ARMC9: variants seen among roughly 807,000 people sequenced by gnomAD.
ARMC9 encodes armadillo repeat containing 9, also known as lisH domain-containing protein ARMC9.
In ARMC9, 94 loss-of-function variants were observed where a neutral mutation model predicts 107.0. The observed-to-expected ratio is 0.88, with a 90% CI of 0.74 to 1.04. The LOEUF is 1.04. Among genes scored for constraint, ARMC9 ranks in the 50% least tolerant of loss-of-function variants. ARMC9 has a pLI of 0.00. For synonymous variants in ARMC9, 380 were observed against 396.9 expected, an observed-to-expected ratio of 0.96 and a Z score of 0.51; for missense variants, 942 against 1,030.1, an observed-to-expected ratio of 0.91 and a Z score of 1.17.
intron 23 of ARMC9, among the ~76,000 whole-genome samples, chr2:231,365,026 C>T (rs956110203): frequency 1.3e-5 from 2 of 152,182 alleles, no homozygotes; most frequent in Admixed American, 6.5e-5. Flanking sequence ...TCAGCTGAGC[C>T]CCTGGTGGCC....
chr2:231,307,320 A>G (rs903132824), intron 19 of ARMC9, among the ~76,000 whole-genome samples: 1 of 152,188 alleles, frequency 6.6e-6, no homozygotes, highest in African/African-American at 2.4e-5. Flanking sequence ...GGCTTTCCCT[A>G]CTTGTCTGGC....
At chr2:231,243,078 C>T (rs1338552912) in intron 9 of ARMC9, among the ~76,000 whole-genome samples, 1 of 152,096 alleles carries the variant, frequency 6.6e-6, no homozygotes, top group Non-Finnish European at 1.5e-5. Flanking sequence ...AACCCTGTCT[C>T]TACTAAAAAT....
chr2:231,253,377 A>C (rs1236107252), intron 9 of ARMC9, among the ~76,000 whole-genome samples: 1 of 152,026 alleles, frequency 6.6e-6, no homozygotes, highest in East Asian at 1.9e-4. Flanking sequence ...GGCCTCCCAA[A>C]GTGCTGGGTT....
intron 17 of ARMC9, among the ~76,000 whole-genome samples, chr2:231,282,447 A>G (rs1324811500): frequency 6.6e-6 from 1 of 152,212 alleles, no homozygotes; most frequent in African/African-American, 2.4e-5. Context: ...ACTGTCTAGG[A>G]CTTGGTTTGG....
Position 231,331,864 on chromosome 2 carries a change from A to G in ARMC9, c.1845A>G (p.Ser615=). The change falls in exon 20 of 25, where the codon TCA becomes TCG. Residue 615 remains serine (S), a synonymous_variant. Coordinates refer to ENST00000611582, the MANE Select transcript of ARMC9 (RefSeq NM_001352754.2). ...ELIQPQLGEL[S]GEKLLTTEYL... ...TCCAGCCCCAGCTCGGAGAACTCTC[A>G]GGAGAGAAGCTTCTGACCACGGAGT... 1.2e-6 allele frequency: 2 copies of G among 1,612,888 alleles called. No individual in the cohort carries two copies. The highest frequency in any genetic ancestry group is 1.7e-6 in the Non-Finnish European group (2 of 1,178,944).
intron 6 of ARMC9, 84 bp downstream of exon 6, chr2:231,222,904 G>A: frequency 1.2e-6 from 1 of 852,856 alleles, no homozygotes; most frequent in Admixed American, 2.7e-5. Flanking sequence ...GGTTTATTGA[G>A]GTTGCCTCAT....
intron 19 of ARMC9, among the ~76,000 whole-genome samples, chr2:231,322,074 T>C (rs2125536562): frequency 6.6e-6 from 1 of 152,388 alleles, no homozygotes; most frequent in Non-Finnish European, 1.5e-5. Context: ...CCTTATTTAA[T>C]GAACTGGTCT....
At chr2:231,312,361 C>G (rs553764166) in intron 19 of ARMC9, among the ~76,000 whole-genome samples, 1 of 152,214 alleles carries the variant, frequency 6.6e-6, no homozygotes, top group Admixed American at 6.5e-5. Context: ...TTCTCAGGGC[C>G]TCATTTCTGC....
chr2:231,372,727 T>C lies in ARMC9; in HGVS notation c.*1192T>C, dbSNP rs1380334639. 1 of 119,524 alleles carries C rather than the reference T, an allele frequency of 8.4e-6. No homozygotes were observed. Among genetic ancestry groups the C allele is most frequent in the African/African-American group, 5.2e-5 (1 of 19,194 alleles). The allele number at this position is 119,524 out of a possible 1,614,324, so 7.4% of individuals were successfully genotyped here. A position where few individuals can be genotyped will look rare whatever the true frequency, so the allele number is the denominator to read the frequency against. ...GTGTGTGTGTGTGTGTGTGTGTGTG[T>C]GTGTGTGTGTGTGTGTGTGTGTGTG... On this transcript the variant is annotated 3_prime_UTR_variant, in exon 25 of 25. Coordinates refer to ENST00000611582, the MANE Select transcript of ARMC9 (RefSeq NM_001352754.2).
chr2:231,288,909 C>G (rs1224532577), intron 17 of ARMC9, among the ~76,000 whole-genome samples: 4 of 152,164 alleles, frequency 2.6e-5, no homozygotes, highest in Non-Finnish European at 5.9e-5. Flanking sequence ...CTATGATTAT[C>G]TTTATGGTAG....
At chr2:231,242,442 CA>C (rs1016185559) in intron 9 of ARMC9, among the ~76,000 whole-genome samples, 1 of 152,134 alleles carries the variant, frequency 6.6e-6, no homozygotes, top group African/African-American at 2.4e-5. Flanking sequence ...GAGAATCAGC[CA>C]TTTTTAAAAG....
intron 9 of ARMC9, among the ~76,000 whole-genome samples, chr2:231,253,449 C>T (rs1387196394): frequency 2.6e-5 from 4 of 151,798 alleles, no homozygotes; most frequent in African/African-American, 4.8e-5. Context: ...TTTGGCTGGG[C>T]GCGGTTTGGC....
rs2040396287 is a variant in ARMC9 at position 231,283,858 on chromosome 2, C to T, written c.1626+1725C>T. Among the ~76,000 whole-genome samples the T allele has an allele frequency of 2.6e-5, 4 of 152,116 alleles. No homozygotes were observed. The South Asian group carries it at 8.3e-4, about 32-fold the overall frequency. ...AGCCATCCTCCTGCCTCAGCTTATCCAGTAGCTGGGACTATAGGTGTGCGC... is the reference window on the plus strand; with the variant it reads ...AGCCATCCTCCTGCCTCAGCTTATCTAGTAGCTGGGACTATAGGTGTGCGC... On this transcript the variant is annotated intron_variant, in intron 17 of 24. Coordinates refer to ENST00000611582, the MANE Select transcript of ARMC9 (RefSeq NM_001352754.2).
At chr2:231,240,673 G>A (rs966765793) in intron 9 of ARMC9, among the ~76,000 whole-genome samples, 1 of 152,126 alleles carries the variant, frequency 6.6e-6, no homozygotes, top group African/African-American at 2.4e-5. Context: ...ACCAACTTCA[G>A]TAAATTTAAC....
Position 231,355,935 on chromosome 2 carries a change from G to T in ARMC9, c.2131+1G>T, listed in dbSNP as rs566344934. ...CCGGAGTCCTGCGTCTCCTCTTCAT[G>T]TAAGAATGTGGGCAGCACACTGGGT... is the stretch of plus-strand genomic sequence containing the variant. On this transcript the variant is annotated splice_donor_variant, in intron 22 of 24. Transcript: ENST00000611582. LOFTEE classifies it high-confidence loss of function. 6.5e-7 allele frequency: 1 copy of T among 1,534,858 alleles called. No individual in the cohort carries two copies. Among genetic ancestry groups the T allele is most frequent in the Non-Finnish European group, 8.7e-7 (1 of 1,145,944 alleles).
At chr2:231,295,316 A>T (rs886763267) in intron 18 of ARMC9, 1 of 152,308 alleles carries the variant, frequency 6.6e-6, no homozygotes. Context: ...GCATTCATTC[A>T]TTAGTAAGCA....
chr2:231,270,006 G>A (rs1399795003), intron 12 of ARMC9, among the ~76,000 whole-genome samples: 4 of 151,884 alleles, frequency 2.6e-5, no homozygotes, highest in Non-Finnish European at 4.4e-5. Context: ...GGGGCCTGTC[G>A]ATGGATAGTT....
intron 5 of ARMC9, among the ~76,000 whole-genome samples, chr2:231,219,901 G>C (rs2033932208): frequency 6.6e-6 from 1 of 151,942 alleles, no homozygotes; most frequent in African/African-American, 2.4e-5. Context: ...CATGATTATA[G>C]CTCACTACAG....
intron 16 of ARMC9, among the ~76,000 whole-genome samples, chr2:231,279,339 A>T (rs1466192768): frequency 6.6e-6 from 1 of 152,092 alleles, no homozygotes; most frequent in Non-Finnish European, 1.5e-5. Flanking sequence ...TTATTCTCTC[A>T]CTTGCCTTCT....
Sources: gnomAD v4.1 joint callset for allele counts (sites outside exome capture counted in the v4.1 genomes callset) on GRCh38, gnomAD v4.1.1 for gene constraint, MANE v1.5 for transcripts, NCBI Gene and HGNC (gene_info 2026-07-23, HGNC 2026-07-21) for gene names.